The following CLMN variants were observed in gnomAD, a reference collection of about 807,000 sequenced individuals.
CLMN encodes the protein calmin (calponin-like, transmembrane).
In CLMN, 57 loss-of-function variants were observed where a neutral mutation model predicts 92.7. The ratio of observed to expected loss-of-function variants is 0.61; its 90% CI spans 0.50 to 0.77. The LOEUF (loss-of-function observed/expected upper bound fraction) is 0.77. CLMN is among the 30% of genes least tolerant of loss of function. The pLI is 0.00. For synonymous variants in CLMN, 466 were observed against 470.6 expected (o/e 0.99, Z 0.13); for missense variants, 1,158 against 1,237.5 (o/e 0.94, Z 0.96).
At chr14:95,319,026 G>A (rs1454367804) in intron 1 of CLMN, among the ~76,000 whole-genome samples, 1 of 152,190 alleles carries the variant, frequency 6.6e-6, no homozygotes, top group Non-Finnish European at 1.5e-5. Context: ...CTACCTCCCA[G>A]GTAGAAGCCT....
intron 1 of CLMN, among the ~76,000 whole-genome samples, chr14:95,263,742 G>A (rs551425198): frequency 3.3e-4 from 51 of 152,306 alleles, no homozygotes; most frequent in African/African-American, 6.3e-4. Context: ...AGGAAACCTC[G>A]GATACATTTT....
At chr14:95,245,012 T>A (rs1414998128) in intron 1 of CLMN, among the ~76,000 whole-genome samples, 1 of 110,380 alleles carries the variant, frequency 9.1e-6, no homozygotes. Context: ...CACACACACA[T>A]AAGGATCTAA....
chr14:95,195,009 A>G (rs1315009782), intron 10 of CLMN, among the ~76,000 whole-genome samples: 2 of 152,160 alleles, frequency 1.3e-5, no homozygotes, highest in African/African-American at 4.8e-5. Flanking sequence ...TGAGGTCCAA[A>G]ATGTACAAGT....
At chr14:95,280,545 C>T (rs148330380) in intron 1 of CLMN, among the ~76,000 whole-genome samples, 114 of 152,166 alleles carry the variant, frequency 7.5e-4, no homozygotes, top group Middle Eastern at 3.4e-3. Flanking sequence ...TTACGGTGAC[C>T]TGGGATTTTC....
Position 95,191,422 on chromosome 14 carries a change from C to T in CLMN, c.*142G>A. On this transcript the variant is annotated 3_prime_UTR_variant, in exon 13 of 13. Transcript: ENST00000298912. This position sits in a 1 kb window ranked among gnomAD's most constrained non-coding sequence, Gnocchi z 5.3. ...AGGAAACCTGAAAAAAAAAAAAAAACCACAATAGCGAGAAAGGGGGTCTAA... is the reference window on the plus strand; with the variant it reads ...AGGAAACCTGAAAAAAAAAAAAAAATCACAATAGCGAGAAAGGGGGTCTAA... 5.5e-6 allele frequency: 2 copies of T among 363,394 alleles called. No individual in the cohort carries two copies. Among genetic ancestry groups the T allele is most frequent in the Non-Finnish European group, 8.7e-6 (2 of 229,464 alleles). The allele number at this position is 363,394 out of a possible 1,614,324, so 22.5% of individuals were successfully genotyped here.
At chr14:95,281,207 G>A (rs1400462971) in intron 1 of CLMN, among the ~76,000 whole-genome samples, 4 of 152,074 alleles carry the variant, frequency 2.6e-5, no homozygotes, top group Non-Finnish European at 5.9e-5. Flanking sequence ...AAGTATTTAC[G>A]GACACAGTTA....
intron 2 of CLMN, among the ~76,000 whole-genome samples, chr14:95,224,484 T>A (rs1307102020): frequency 3.3e-5 from 5 of 152,120 alleles, no homozygotes; most frequent in African/African-American, 1.2e-4. Context: ...GGTTTCACCA[T>A]GTTGGCCAGT....
chr14:95,235,387 T>C (rs1275700848), intron 1 of CLMN, among the ~76,000 whole-genome samples: 1 of 152,162 alleles, frequency 6.6e-6, no homozygotes. Context: ...GAGGAGATGA[T>C]TAGCATCATT....
At chr14:95,313,119 T>C (rs889091080) in intron 1 of CLMN, among the ~76,000 whole-genome samples, 27 of 152,198 alleles carry the variant, frequency 1.8e-4, no homozygotes, top group African/African-American at 6.3e-4. Flanking sequence ...AGCAGGAGAA[T>C]TGCTTGAACC....
At chr14:95,245,244 A>ATATATATAT (rs1898483642) in intron 1 of CLMN, among the ~76,000 whole-genome samples, 4 of 37,972 alleles carry the variant, frequency 1.1e-4, no homozygotes, top group African/African-American at 6.6e-4. Flanking sequence ...TATATTATAT[A>ATATATATAT]TATATATATA....
intron 1 of CLMN, among the ~76,000 whole-genome samples, chr14:95,278,038 C>A (rs924971975): frequency 6.6e-6 from 1 of 152,180 alleles, no homozygotes; most frequent in African/African-American, 2.4e-5. Context: ...TTTCCCTCTC[C>A]GTGAACAACT....
intron 1 of CLMN, among the ~76,000 whole-genome samples, chr14:95,310,085 C>T (rs955815502): frequency 6.6e-6 from 1 of 152,110 alleles, no homozygotes; most frequent in African/African-American, 2.4e-5. Context: ...AAATGTGATC[C>T]GCAGTGCTGG....
At chr14:95,314,633 G>A (rs1409745577) in intron 1 of CLMN, among the ~76,000 whole-genome samples, 1 of 152,220 alleles carries the variant, frequency 6.6e-6, no homozygotes, top group Non-Finnish European at 1.5e-5. Context: ...CCCTGGCTCA[G>A]GCCTTCAGCC....
intron 1 of CLMN, among the ~76,000 whole-genome samples, chr14:95,255,231 A>G (rs559171576): frequency 6.6e-6 from 1 of 152,286 alleles, no homozygotes; most frequent in African/African-American, 2.4e-5. Flanking sequence ...ATAGGAAAAT[A>G]CATTTCTGTT....
chr14:95,257,264 G>T (rs1333106379), intron 1 of CLMN, among the ~76,000 whole-genome samples: 1 of 152,176 alleles, frequency 6.6e-6, no homozygotes, highest in East Asian at 1.9e-4. Flanking sequence ...TCAACCGCCC[G>T]CTGCATCTAG....
In CLMN at chr14:95,210,869, C is replaced by T; in HGVS notation, c.619G>A (p.Ala207Thr). 1 of 1,505,930 alleles carries T rather than the reference C, an allele frequency of 6.6e-7. No homozygotes were observed. The highest frequency in any genetic ancestry group is 1.5e-5 in the African/African-American group (1 of 68,398). 93.3% of individuals were successfully genotyped at this position (1,505,930 alleles called of 1,614,324 possible). A position where few individuals can be genotyped will look rare whatever the true frequency, so the allele number is the denominator to read the frequency against. The change falls in exon 7 of 13, where the codon GCG becomes ACG. Residue 207 changes from alanine (A) to threonine (T), a missense_variant. Transcript: ENST00000298912. ...VQRKTRKYGV[A>T]VQDFAGSWRS... is the part of the protein sequence containing the mutation. ...CAACTGCCCGCAAAGTCCTGCACCG[C>T]CACGCCATACCTGAAGGAAAAACAG...
intron 5 of CLMN, among the ~76,000 whole-genome samples, 174 bp downstream of exon 5, chr14:95,215,467 G>C (rs1480292369): frequency 6.6e-6 from 1 of 152,192 alleles, no homozygotes; most frequent in Non-Finnish European, 1.5e-5. Context: ...AAATCACAGA[G>C]ACTCAAACAC....
intron 3 of CLMN, 30 bp downstream of exon 3, chr14:95,223,730 T>C (rs755199871): frequency 1.3e-6 from 2 of 1,541,394 alleles, no homozygotes; most frequent in Non-Finnish European, 1.8e-6. Context: ...TGCATTTTCT[T>C]TCTTTCTGAC....
At chr14:95,276,658 C>A (rs1476070266) in intron 1 of CLMN, among the ~76,000 whole-genome samples, 1 of 152,232 alleles carries the variant, frequency 6.6e-6, no homozygotes, top group African/African-American at 2.4e-5. Context: ...GGGCAACTGT[C>A]CACTTCTCCA....
Sources: allele counts gnomAD v4.1 joint callset (sites outside exome capture counted in the v4.1 genomes callset), GRCh38; gene constraint gnomAD v4.1.1; non-coding constraint Gnocchi (gnomAD v3.1); transcripts MANE v1.5; gene names NCBI Gene and HGNC (gene_info 2026-07-23, HGNC 2026-07-21).